The following TMEM9 variants were observed in gnomAD, a reference collection of about 807,000 sequenced individuals.
TMEM9 encodes the protein proton-transporting V-type ATPase complex assembly regulator TMEM9.
A neutral mutation model predicts 22.8 loss-of-function variants in TMEM9; 13 were observed. The ratio of observed to expected loss-of-function variants is 0.57; its 90% CI spans 0.37 to 0.91. The LOEUF is 0.91. Among genes scored for constraint, TMEM9 ranks in the 40% least tolerant of loss-of-function variants. TMEM9 has a pLI of 0.01. For synonymous variants in TMEM9, 88 were observed against 93.0 expected (o/e 0.95, Z 0.31); for missense variants, 182 against 238.1 (o/e 0.76, Z 1.55).
intron 3 of TMEM9, 23 bp from the exon 4 acceptor site, chr1:201,143,974 T>A (rs1431742270): frequency 1.2e-6 from 2 of 1,613,124 alleles, no homozygotes; most frequent in Non-Finnish European, 1.7e-6. Flanking sequence ...CCGGCGTGCC[T>A]ATGAACCATT....
upstream of TMEM9, among the ~76,000 whole-genome samples, chr1:201,156,410 C>T (rs532153883): frequency 3.3e-5 from 5 of 152,290 alleles, no homozygotes; most frequent in Admixed American, 6.5e-5. Context: ...TTCAGCACAT[C>T]GCTCATTGCT....
chr1:201,152,304 C>A (rs16847892), intron 1 of TMEM9, among the ~76,000 whole-genome samples: 2 of 152,066 alleles, frequency 1.3e-5, no homozygotes, highest in Non-Finnish European at 2.9e-5. Context: ...ACATAAAGGG[C>A]GAGGGTGAAT....
chr1:201,163,742 A>T (rs1228107957), intron 1 of TMEM9, among the ~76,000 whole-genome samples: 1 of 152,166 alleles, frequency 6.6e-6, no homozygotes, highest in Non-Finnish European at 1.5e-5. Context: ...GCTGGTGAGG[A>T]TGTGAAGGGA....
intron 4 of TMEM9, 121 bp from the exon 5 acceptor site, chr1:201,135,936 G>C: frequency 1.7e-5 from 18 of 1,030,562 alleles, no homozygotes; most frequent in Non-Finnish European, 2.0e-5. Flanking sequence ...CTGGGAGGCT[G>C]GGCCTCCCCA....
upstream of TMEM9, among the ~76,000 whole-genome samples, chr1:201,155,777 T>C (rs1665773744): frequency 6.6e-6 from 1 of 152,140 alleles, no homozygotes; most frequent in Non-Finnish European, 1.5e-5. Flanking sequence ...CTTTCAGAAG[T>C]CTCGGTTTCC....
intron 3 of TMEM9, chr1:201,144,479 A>G (rs1664798094): frequency 6.4e-6 from 1 of 155,690 alleles, no homozygotes; most frequent in Non-Finnish European, 1.4e-5. Flanking sequence ...AGGGCTGGTA[A>G]GAAGGTGTGT....
At chr1:201,150,448 CAT>C in intron 2 of TMEM9, among the ~76,000 whole-genome samples, 1 of 152,180 alleles carries the variant, frequency 6.6e-6, no homozygotes, top group Non-Finnish European at 1.5e-5. Flanking sequence ...GACCTGTGCA[CAT>C]ACACGCACAA....
chr1:201,148,851 C>T (rs140246581), intron 2 of TMEM9, among the ~76,000 whole-genome samples: 2 of 152,332 alleles, frequency 1.3e-5, no homozygotes, highest in East Asian at 3.9e-4. Flanking sequence ...CCTGTTGTAA[C>T]CGGAAGTACT....
At chr1:201,162,552 C>T (rs1039143038) in intron 1 of TMEM9, among the ~76,000 whole-genome samples, 12 of 149,008 alleles carry the variant, frequency 8.1e-5, no homozygotes, top group Non-Finnish European at 1.5e-4. Context: ...AAAAAAAAAC[C>T]CTGACTGAAG....
rs969137115 is a variant in TMEM9 at position 201,167,051 on chromosome 1, TTTTA to T, written c.-37+4435_-37+4438del. Among the ~76,000 whole-genome samples, 90 of 152,342 alleles carry T rather than the reference TTTTA, an allele frequency of 5.9e-4. 2 individuals are homozygous for T. The highest frequency in any genetic ancestry group is 2.1e-3 in the African/African-American group (88 of 41,584). ...ATTTTATTTTGATAGAGATGTATTT[TTTTA>T]TTTTTTAAACCTTCATATTGAGTTA... is the stretch of plus-strand genomic sequence containing the variant. On this transcript the variant is annotated intron_variant, in intron 1 of 5. Transcript: ENST00000367333.
intron 1 of TMEM9, 166 bp downstream of exon 1, chr1:201,153,692 G>C: frequency 6.6e-7 from 1 of 1,517,408 alleles, no homozygotes; most frequent in Non-Finnish European, 8.9e-7. Flanking sequence ...TATCCTTAGG[G>C]AGGCCAGCAG....
At position 201,160,562 on chromosome 1, in the gene TMEM9, C is replaced by T. The variant is rs1269520584; in HGVS notation, c.-36-6603G>A. ...CGAGATCGCGCCATTGCACTTCAGC[C>T]TAGGCAACAAGAGTGAAAATCTGTC... On this transcript the variant is annotated intron_variant, in intron 1 of 5. Coordinates refer to the TMEM9 transcript ENST00000367333. Among the ~76,000 whole-genome samples, 6 of 151,644 alleles carry T rather than the reference C, an allele frequency of 4.0e-5. No homozygotes were observed. In the South Asian group the frequency reaches 1.3e-3, roughly 32 times the overall value.
At chr1:201,147,007 C>T (rs1665033530) in intron 2 of TMEM9, 159 bp from the exon 3 acceptor site, 7 of 638,888 alleles carry the variant, frequency 1.1e-5, no homozygotes, top group Middle Eastern at 8.5e-4. Flanking sequence ...ATTAGGCTGG[C>T]AGAAACCCTT....
At chr1:201,147,948 G>C (rs990232753) in intron 2 of TMEM9, among the ~76,000 whole-genome samples, 1 of 151,968 alleles carries the variant, frequency 6.6e-6, no homozygotes, top group Non-Finnish European at 1.5e-5. Context: ...CCAACCCCCC[G>C]CCAATGCACT....
At chr1:201,141,637 C>G (rs1664538151) in intron 4 of TMEM9, among the ~76,000 whole-genome samples, 1 of 152,138 alleles carries the variant, frequency 6.6e-6, no homozygotes, top group Non-Finnish European at 1.5e-5. Flanking sequence ...GCCGCAACTT[C>G]CCCTACAGGA....
chr1:201,138,677 C>A (rs537601474), intron 4 of TMEM9, among the ~76,000 whole-genome samples: 1 of 152,206 alleles, frequency 6.6e-6, no homozygotes, highest in Non-Finnish European at 1.5e-5. Flanking sequence ...ATGTGCCAGG[C>A]GCTCTGCTAG....
chr1:201,162,176 T>A (rs1461364510), intron 1 of TMEM9, among the ~76,000 whole-genome samples: 1 of 152,038 alleles, frequency 6.6e-6, no homozygotes, highest in Non-Finnish European at 1.5e-5. Context: ...CAATTGATTT[T>A]TTTTTTTTTT....
chr1:201,144,291 C>A, intron 3 of TMEM9: 2 of 223,872 alleles, frequency 8.9e-6, no homozygotes, highest in Non-Finnish European at 1.8e-5. Context: ...TAGAAGAGTT[C>A]ATGATGAAGG....
In TMEM9 at chr1:201,153,975, C is replaced by A; in HGVS notation, c.-52G>T. On this transcript the variant is annotated 5_prime_UTR_variant, in exon 1 of 5. Coordinates refer to ENST00000367330, the MANE Select transcript of TMEM9 (RefSeq NM_001288565.2). The stretch of plus-strand genomic sequence containing the variant: ...AGCCGGACACCTGGAAAAAGAGATA[C>A]GGAGTCGGAGAAGGGGAAGGTGGCC... 2 of 1,566,446 alleles carry A rather than the reference C, an allele frequency of 1.3e-6. No individual in the cohort carries two copies. Among genetic ancestry groups the A allele is most frequent in the Non-Finnish European group, 1.7e-6 (2 of 1,155,828 alleles).
Sources: allele counts gnomAD v4.1 joint callset (sites outside exome capture counted in the v4.1 genomes callset), GRCh38; gene constraint gnomAD v4.1.1; transcripts MANE v1.5; gene names NCBI Gene and HGNC (gene_info 2026-07-23, HGNC 2026-07-21).